NELL1: variants seen among roughly 807,000 people sequenced by gnomAD.
NELL1 encodes protein kinase C-binding protein NELL1.
NELL1 carries 76 observed loss-of-function variants against 107.4 expected under a neutral mutation model. That is an observed-to-expected ratio of 0.71 (90% confidence interval 0.59 to 0.86). The LOEUF (loss-of-function observed/expected upper bound fraction) is 0.86. Among genes scored for constraint, NELL1 ranks in the 40% least tolerant of loss-of-function variants. The pLI is 0.00. For synonymous variants in NELL1, 353 were observed against 341.2 expected (o/e 1.03, Z -0.38); for missense variants, 1,024 against 1,005.5 (o/e 1.02, Z -0.25).
intron 15 of NELL1, among the ~76,000 whole-genome samples, chr11:21,385,931 A>G (rs1159656396): frequency 6.6e-6 from 1 of 151,744 alleles, no homozygotes; most frequent in Non-Finnish European, 1.5e-5. Flanking sequence ...TCCTTCCCAT[A>G]ATATCCAGTC....
At chr11:21,541,198 T>A (rs2133978651) in intron 16 of NELL1, among the ~76,000 whole-genome samples, 1 of 152,280 alleles carries the variant, frequency 6.6e-6, no homozygotes, top group Middle Eastern at 3.4e-3. Flanking sequence ...CACTCCAAGA[T>A]GACATACAGC....
intron 13 of NELL1, among the ~76,000 whole-genome samples, chr11:21,183,701 G>A (rs1453984): frequency 0.52 from 78,143 of 151,406 alleles, 20,848 homozygotes; most frequent in African/African-American, 0.59. Context: ...TTGATCCCCC[G>A]TGTTACCTGT....
intron 16 of NELL1, among the ~76,000 whole-genome samples, chr11:21,552,143 G>T (rs140948406): frequency 0.13 from 14,014 of 111,510 alleles, 812 homozygotes; most frequent in Middle Eastern, 0.24. Flanking sequence ...GTTGTGGGGT[G>T]GGGGGAGGGG....
At chr11:20,903,898 A>G (rs1849934113) in intron 5 of NELL1, among the ~76,000 whole-genome samples, 2 of 152,152 alleles carry the variant, frequency 1.3e-5, no homozygotes, top group Non-Finnish European at 2.9e-5. Context: ...TTAAAACAGT[A>G]GGAAAGCTGT....
intron 12 of NELL1, among the ~76,000 whole-genome samples, chr11:21,057,667 A>G (rs1314601190): frequency 2.0e-5 from 3 of 151,980 alleles, no homozygotes; most frequent in African/African-American, 7.2e-5. Context: ...GTATATTATT[A>G]TGTATACAAA....
chr11:20,987,744 G>A (rs61880768), intron 12 of NELL1, among the ~76,000 whole-genome samples: 23 of 151,954 alleles, frequency 1.5e-4, no homozygotes, highest in Non-Finnish European at 2.8e-4. Flanking sequence ...CTTAAATTTC[G>A]TTGTACCTCA....
At chr11:21,019,952 C>A (rs917569130) in intron 12 of NELL1, among the ~76,000 whole-genome samples, 1 of 152,016 alleles carries the variant, frequency 6.6e-6, no homozygotes, top group African/African-American at 2.4e-5. Flanking sequence ...CTCTTGTTAT[C>A]AATATTTGCT....
At chr11:21,281,239 G>A (rs1371043230) in intron 14 of NELL1, among the ~76,000 whole-genome samples, 1 of 151,876 alleles carries the variant, frequency 6.6e-6, no homozygotes, top group Non-Finnish European at 1.5e-5. Flanking sequence ...ATGAAGGTAA[G>A]GACCCAGTCT....
At position 20,783,825 on chromosome 11, in the gene NELL1, G is replaced by T. The variant is rs1856900277; in HGVS notation, c.330G>T (p.Glu110Asp). ...SGVILSIREL[E>D]HSYFELESSG... ...TGATACTGTCCATTCGAGAACTGGAGCACAGGTAAGAAAGCTCTTTCTGCT... is the reference window on the plus strand; with the variant it reads ...TGATACTGTCCATTCGAGAACTGGATCACAGGTAAGAAAGCTCTTTCTGCT... Residue 110 changes from glutamate to aspartate, a missense_variant, in exon 3 of 20, where the codon GAG (glutamate) becomes GAT (aspartate). Glu to Asp is a conservative substitution (Grantham distance 45). Transcript: ENST00000357134. 1 of 1,609,960 alleles carries T rather than the reference G, an allele frequency of 6.2e-7. No homozygotes were observed. The highest frequency in any genetic ancestry group is 8.5e-7 in the Non-Finnish European group (1 of 1,178,296).
At chr11:20,973,036 C>T (rs1851531291) in intron 12 of NELL1, among the ~76,000 whole-genome samples, 1 of 151,840 alleles carries the variant, frequency 6.6e-6, no homozygotes, top group South Asian at 2.1e-4. Flanking sequence ...GAGGCTTCCT[C>T]CTCTGGGTTC....
intron 16 of NELL1, among the ~76,000 whole-genome samples, chr11:21,553,608 G>C (rs1183070777): frequency 6.6e-6 from 1 of 151,752 alleles, no homozygotes; most frequent in Non-Finnish European, 1.5e-5. Flanking sequence ...TTTTACCAAA[G>C]AGAAGCCTGG....
intron 3 of NELL1, among the ~76,000 whole-genome samples, chr11:20,810,249 G>A (rs1857471383): frequency 6.6e-6 from 1 of 151,884 alleles, no homozygotes; most frequent in Admixed American, 6.6e-5. Context: ...TAAGTTATTG[G>A]GGTACAGGTG....
intron 12 of NELL1, among the ~76,000 whole-genome samples, chr11:21,064,153 G>A (rs1853811878): frequency 6.6e-6 from 1 of 152,162 alleles, no homozygotes. Context: ...AACCAGGGAA[G>A]ACAGTGGGAG....
At chr11:20,709,893 T>A (rs2133894341) in intron 2 of NELL1, among the ~76,000 whole-genome samples, 1 of 152,330 alleles carries the variant, frequency 6.6e-6, no homozygotes, top group East Asian at 1.9e-4. Flanking sequence ...TTGTGTACAT[T>A]GATTTTGTAT....
intron 12 of NELL1, among the ~76,000 whole-genome samples, chr11:21,069,439 T>C (rs895527385): frequency 2.6e-5 from 4 of 152,162 alleles, no homozygotes; most frequent in Admixed American, 2.6e-4. Context: ...CATCAATAAG[T>C]AGAGTCTTTG....
intron 2 of NELL1, among the ~76,000 whole-genome samples, chr11:20,690,962 G>A (rs1854449606): frequency 6.6e-6 from 1 of 152,026 alleles, no homozygotes; most frequent in South Asian, 2.1e-4. Context: ...GTTTCATTGA[G>A]CAGTGGTTTG....
At chr11:21,300,823 A>G (rs975144971) in intron 14 of NELL1, among the ~76,000 whole-genome samples, 13 of 152,058 alleles carry the variant, frequency 8.5e-5, no homozygotes, top group Non-Finnish European at 2.9e-5. Flanking sequence ...TTACATATGT[A>G]TACATGTCCC....
intron 14 of NELL1, among the ~76,000 whole-genome samples, chr11:21,263,150 A>G (rs1565136191): frequency 6.6e-6 from 1 of 151,836 alleles, no homozygotes; most frequent in Non-Finnish European, 1.5e-5. Flanking sequence ...GATAGTGATA[A>G]TGAAGTGTTC....
At chr11:21,421,781 C>T (rs141443820) in intron 15 of NELL1, among the ~76,000 whole-genome samples, 90 of 152,198 alleles carry the variant, frequency 5.9e-4, no homozygotes, top group African/African-American at 2.1e-3. Flanking sequence ...ATGAATAAAA[C>T]TATATCCACA....
Sources: allele counts gnomAD v4.1 joint callset (sites outside exome capture counted in the v4.1 genomes callset), GRCh38; gene constraint gnomAD v4.1.1; transcripts MANE v1.5; gene names NCBI Gene and HGNC (gene_info 2026-07-23, HGNC 2026-07-21).